KDM4C: variants seen among roughly 807,000 people sequenced by gnomAD.
KDM4C encodes the protein lysine demethylase 4C, also known as lysine-specific demethylase 4C.
KDM4C carries 81 observed loss-of-function variants against 129.3 expected under a neutral mutation model. That is an observed-to-expected ratio of 0.63 (90% confidence interval 0.52 to 0.75). KDM4C has a LOEUF of 0.75. KDM4C is among the 30% of genes least tolerant of loss of function. The pLI is 0.00. For missense variants in KDM4C, 1,457 were observed against 1,304.0 expected (o/e 1.12, Z -1.81); for synonymous variants, 573 against 456.1 (o/e 1.26, Z -3.26).
At chr9:7,014,953 C>CACACACACA (rs757152128) in intron 14 of KDM4C, among the ~76,000 whole-genome samples, 1 of 146,606 alleles carries the variant, frequency 6.8e-6, no homozygotes, top group African/African-American at 2.5e-5. Flanking sequence ...CACACACACA[C>CACACACACA]CTTACATTAT....
intron 7 of KDM4C, among the ~76,000 whole-genome samples, chr9:6,892,089 C>T (rs745430919): frequency 2.0e-5 from 3 of 152,124 alleles, no homozygotes; most frequent in Non-Finnish European, 4.4e-5. Flanking sequence ...TTGCTAAATA[C>T]TTTGGCAATA....
rs534094538 is a variant in KDM4C, at chr9:7,037,604, G to A, written c.2260-9258G>A. 3.3e-5 allele frequency among the ~76,000 whole-genome samples: 5 copies of A among 152,234 alleles called. No homozygotes were observed. In the South Asian group the frequency reaches 1.0e-3, roughly 32 times the overall value. ...TTTATGAAACCAAATTTTAAAAATAGCTGGCATTGTTAAAAGGGGATTTTG... is the reference window on the plus strand; with the variant it reads ...TTTATGAAACCAAATTTTAAAAATAACTGGCATTGTTAAAAGGGGATTTTG... On this transcript the variant is annotated intron_variant, in intron 15 of 21. Coordinates refer to ENST00000381309, the MANE Select transcript of KDM4C (RefSeq NM_015061.6).
intron 11 of KDM4C, among the ~76,000 whole-genome samples, chr9:6,989,933 C>T (rs976372138): frequency 2.1e-5 from 2 of 94,990 alleles, no homozygotes; most frequent in Non-Finnish European, 4.7e-5. Flanking sequence ...TGCCTCTATA[C>T]CTGGCTATTT....
chr9:6,914,963 C>A (rs1038032490), intron 8 of KDM4C, among the ~76,000 whole-genome samples: 1 of 152,316 alleles, frequency 6.6e-6, no homozygotes, highest in African/African-American at 2.4e-5. Context: ...AAGACAGAGT[C>A]TTTTTGATTT....
At chr9:7,118,198 C>T (rs1839122048) in intron 18 of KDM4C, among the ~76,000 whole-genome samples, 1 of 152,206 alleles carries the variant, frequency 6.6e-6, no homozygotes, top group East Asian at 1.9e-4. Context: ...GACCTTAAAT[C>T]TGCTGGGAAA....
At chr9:6,929,610 T>A (rs982203492) in intron 8 of KDM4C, among the ~76,000 whole-genome samples, 16 of 151,916 alleles carry the variant, frequency 1.1e-4, no homozygotes, top group Admixed American at 6.6e-4. Flanking sequence ...TCTGTCCTAA[T>A]GGGTAGACTC....
intron 6 of KDM4C, among the ~76,000 whole-genome samples, chr9:6,883,698 GTAGGGAGGAATTAT>G (rs1844822841): frequency 6.6e-6 from 1 of 152,148 alleles, no homozygotes; most frequent in South Asian, 2.1e-4. Context: ...ATGTCAACTA[GTAGGGAGGAATTAT>G]GGGGAAGTGA....
At chr9:6,839,073 T>C (rs1366847762) in intron 4 of KDM4C, among the ~76,000 whole-genome samples, 1 of 152,230 alleles carries the variant, frequency 6.6e-6, no homozygotes, top group Non-Finnish European at 1.5e-5. Context: ...TGTATGAATT[T>C]GTGGCAGTAT....
At chr9:7,131,993 GAATTATTCATCA>G (rs1188203649) in intron 19 of KDM4C, among the ~76,000 whole-genome samples, 1 of 152,184 alleles carries the variant, frequency 6.6e-6, no homozygotes, top group Admixed American at 6.5e-5. Context: ...CCACTGGGAA[GAATTATTCATCA>G]AATTATTCAT....
intron 8 of KDM4C, among the ~76,000 whole-genome samples, chr9:6,914,832 A>G (rs899567517): frequency 1.3e-5 from 2 of 152,244 alleles, no homozygotes; most frequent in Non-Finnish European, 2.9e-5. Flanking sequence ...CTCGCCAGAC[A>G]CCAAATCTGC....
At chr9:6,735,059 C>T in intron 1 of KDM4C, 1 of 451,854 alleles carries the variant, frequency 2.2e-6, no homozygotes. Context: ...AGAGATGCTC[C>T]AAAGTTCAAA....
At chr9:6,867,107 C>T (rs1842161323) in intron 5 of KDM4C, among the ~76,000 whole-genome samples, 1 of 150,398 alleles carries the variant, frequency 6.6e-6, no homozygotes. Context: ...CCTCCGCCTG[C>T]CGGGTTCAAG....
intron 7 of KDM4C, among the ~76,000 whole-genome samples, chr9:6,888,413 T>G (rs966443554): frequency 6.6e-6 from 1 of 152,212 alleles, no homozygotes; most frequent in South Asian, 2.1e-4. Flanking sequence ...AGAGCAATTA[T>G]TAGCAATGGG....
At chr9:6,812,317 G>A (rs925871653) in intron 3 of KDM4C, among the ~76,000 whole-genome samples, 13 of 152,096 alleles carry the variant, frequency 8.5e-5, no homozygotes, top group Non-Finnish European at 1.3e-4. Context: ...TAGGGCTTCA[G>A]TTTCCAACAA....
At chr9:6,884,292 C>G (rs1036553339) in intron 6 of KDM4C, among the ~76,000 whole-genome samples, 1 of 152,174 alleles carries the variant, frequency 6.6e-6, no homozygotes. Flanking sequence ...GTCAACCTCT[C>G]AAGTAGAGCT....
chr9:7,075,473 G>C (rs772555488), intron 17 of KDM4C, among the ~76,000 whole-genome samples: 1 of 152,052 alleles, frequency 6.6e-6, no homozygotes, highest in South Asian at 2.1e-4. Flanking sequence ...CCTCACTGAC[G>C]GAATAAGTTA....
chr9:6,841,331 G>A (rs867276033), intron 4 of KDM4C, among the ~76,000 whole-genome samples: 36 of 152,116 alleles, frequency 2.4e-4, no homozygotes, highest in African/African-American at 7.7e-4. Context: ...AGGTGCTGAG[G>A]GTGACAGCAG....
chr9:6,927,254 T>G (rs780379552), intron 8 of KDM4C, among the ~76,000 whole-genome samples: 7 of 152,084 alleles, frequency 4.6e-5, no homozygotes, highest in Non-Finnish European at 1.0e-4. Flanking sequence ...CTCAGCCTCC[T>G]GAGTAGTTGG....
At chr9:6,811,182 C>T (rs1417504831) in intron 3 of KDM4C, among the ~76,000 whole-genome samples, 1 of 152,050 alleles carries the variant, frequency 6.6e-6, no homozygotes, top group African/African-American at 2.4e-5. Flanking sequence ...GAGACAGAGT[C>T]TCGCTCTGTT....
Sources: allele counts gnomAD v4.1 joint callset (sites outside exome capture counted in the v4.1 genomes callset), GRCh38; gene constraint gnomAD v4.1.1; transcripts MANE v1.5; gene names NCBI Gene and HGNC (gene_info 2026-07-23, HGNC 2026-07-21).